Variants in RHOT1 observed in about 807,000 individuals in gnomAD.
The protein encoded by RHOT1 is mitochondrial Rho GTPase 1.
Under a neutral mutation model 95.3 loss-of-function variants are expected in RHOT1, and 27 were observed. The observed-to-expected ratio is 0.28, with a 90% CI of 0.21 to 0.39. RHOT1 has a LOEUF of 0.39. Ranked by LOEUF, RHOT1 falls within the 10% of genes least tolerant of loss-of-function variation. The pLI is 1.00. For synonymous variants in RHOT1, 227 were observed against 263.5 expected (o/e 0.86, Z 1.34); for missense variants, 578 against 786.7 (o/e 0.73, Z 3.17).
intron 19 of RHOT1, chr17:32,211,555 A>G (rs1413002300): frequency 1.6e-5 from 3 of 182,874 alleles, no homozygotes; most frequent in Non-Finnish European, 3.4e-5. Flanking sequence ...GAGTTAATAG[A>G]TTAGGACTTT....
chr17:32,189,432 C>T (rs1237336800), intron 8 of RHOT1, among the ~76,000 whole-genome samples: 1 of 152,198 alleles, frequency 6.6e-6, no homozygotes. Context: ...CAAGAATTTA[C>T]CTCTGAGGCC....
intron 19 of RHOT1, among the ~76,000 whole-genome samples, chr17:32,219,571 A>C (rs1347885005): frequency 6.6e-6 from 1 of 152,252 alleles, no homozygotes; most frequent in Non-Finnish European, 1.5e-5. Flanking sequence ...CAGTTCACAC[A>C]GTTGTTCGTT....
intron 1 of RHOT1, among the ~76,000 whole-genome samples, chr17:32,148,943 A>G (rs1289697689): frequency 1.3e-5 from 2 of 152,236 alleles, no homozygotes; most frequent in East Asian, 1.9e-4. Context: ...AATTTGTTCT[A>G]TAGTGATGAA....
At chr17:32,177,390 C>T (rs2035091250) in intron 6 of RHOT1, among the ~76,000 whole-genome samples, 1 of 152,238 alleles carries the variant, frequency 6.6e-6, no homozygotes, top group Non-Finnish European at 1.5e-5. Context: ...TTGGGGGATC[C>T]AATACCCATA....
intron 17 of RHOT1, 70 bp downstream of exon 17, chr17:32,207,099 G>A (rs2037813795): frequency 7.0e-7 from 1 of 1,422,982 alleles, no homozygotes; most frequent in Non-Finnish European, 9.5e-7. Flanking sequence ...GCAGTGTGGT[G>A]TTTCCTAACC....
rs956799193 is a variant in RHOT1 at position 32,203,726 on chromosome 17, C to T, written c.1333-164C>T. On this transcript the variant is annotated intron_variant, in intron 15 of 19. Coordinates refer to ENST00000545287, the MANE Select transcript of RHOT1 (RefSeq NM_001033566.3). ...CATCTTTTATTTTAGGTCTTAAGAA[C>T]TAAGAAACATAAAATCAATATCTCC... 2.7e-5 allele frequency: 15 copies of T among 565,120 alleles called. No homozygotes were observed. The African/African-American group carries it at 3.0e-4, about 11-fold the overall frequency. The allele number at this position is 565,120 out of a possible 1,614,324, so 35.0% of individuals were successfully genotyped here. A position where few individuals can be genotyped will look rare whatever the true frequency, so the allele number is the denominator to read the frequency against.
At chr17:32,186,862 G>T (rs1465737215) in intron 8 of RHOT1, among the ~76,000 whole-genome samples, 1 of 152,160 alleles carries the variant, frequency 6.6e-6, no homozygotes, top group Non-Finnish European at 1.5e-5. Flanking sequence ...GGGTCTCGCT[G>T]AGTTGCCCAA....
intron 1 of RHOT1, chr17:32,150,993 A>G: frequency 2.6e-6 from 4 of 1,537,914 alleles, no homozygotes; most frequent in Non-Finnish European, 3.5e-6. Flanking sequence ...TTCAATTTGA[A>G]TCGCCGGTTC....
chr17:32,161,283 C>T (rs778768184), intron 1 of RHOT1, among the ~76,000 whole-genome samples: 9 of 152,110 alleles, frequency 5.9e-5, no homozygotes, highest in East Asian at 1.9e-4. Context: ...CTCAGTCAGC[C>T]GCTGATTGGG....
chr17:32,170,711 T>G (rs1451814040), intron 1 of RHOT1, among the ~76,000 whole-genome samples: 1 of 152,124 alleles, frequency 6.6e-6, no homozygotes, highest in Non-Finnish European at 1.5e-5. Context: ...TAAAGGAAAA[T>G]TGCAAAGTAG....
chr17:32,189,350 C>T (rs1363472094), intron 8 of RHOT1, among the ~76,000 whole-genome samples: 1 of 152,146 alleles, frequency 6.6e-6, no homozygotes, highest in Non-Finnish European at 1.5e-5. Flanking sequence ...AGATTCCATT[C>T]TGATTCAGCT....
At chr17:32,192,834 G>A (rs1400540737) in intron 9 of RHOT1, among the ~76,000 whole-genome samples, 2 of 151,966 alleles carry the variant, frequency 1.3e-5, no homozygotes, top group Non-Finnish European at 2.9e-5. Context: ...ACAACACCCA[G>A]CTAATTTTTG....
intron 1 of RHOT1, among the ~76,000 whole-genome samples, chr17:32,148,794 A>G (rs1193262581): frequency 2.0e-5 from 3 of 152,248 alleles, no homozygotes; most frequent in African/African-American, 4.8e-5. Context: ...AAAAATAGCC[A>G]GTATGGCTGG....
chr17:32,175,607 C>T (rs1294040809), intron 4 of RHOT1, among the ~76,000 whole-genome samples: 2 of 152,180 alleles, frequency 1.3e-5, no homozygotes, highest in African/African-American at 4.8e-5. Context: ...CAGGCATGCA[C>T]CACCATGCCC....
intron 1 of RHOT1, among the ~76,000 whole-genome samples, chr17:32,146,071 A>C (rs992171238): frequency 6.6e-5 from 10 of 152,140 alleles, no homozygotes; most frequent in African/African-American, 2.4e-4. Context: ...ATAAAGTCCA[A>C]ACTTTTTAAT....
At chr17:32,199,072 C>A in intron 12 of RHOT1, 41 bp downstream of exon 12, 1 of 1,379,294 alleles carries the variant, frequency 7.3e-7, no homozygotes, top group Non-Finnish European at 1.0e-6. Context: ...TATAGTAAAA[C>A]ATTTTTCTAT....
intron 1 of RHOT1, 111 bp downstream of exon 1, chr17:32,142,840 C>A: frequency 2.1e-6 from 2 of 933,862 alleles, no homozygotes; most frequent in Non-Finnish European, 3.3e-6. Context: ...CGGCCCTTCT[C>A]GCGCCTCACA....
Position 32,142,637 on chromosome 17 carries a change from TGA to T in RHOT1, c.-52_-51del. ...GGCGCCGTGGGGTGGGTGCTCCTGG[TGA>T]GAGGAGTCCACTCCGTGCGTGCGGG... On this transcript the variant is annotated 5_prime_UTR_variant, in exon 1 of 20. Coordinates refer to ENST00000545287, the MANE Select transcript of RHOT1 (RefSeq NM_001033566.3). The T allele has an allele frequency of 1.4e-6, 2 of 1,464,406 alleles. No individual in the cohort carries two copies. Among genetic ancestry groups the T allele is most frequent in the Non-Finnish European group, 1.8e-6 (2 of 1,108,960 alleles). 90.7% of individuals were successfully genotyped at this position (1,464,406 alleles called of 1,614,324 possible).
At chr17:32,180,682 ATTT>A (rs1037456099) in intron 6 of RHOT1, among the ~76,000 whole-genome samples, 12 of 123,704 alleles carry the variant, frequency 9.7e-5, no homozygotes, top group South Asian at 5.0e-4. Flanking sequence ...ATAAATGCTT[ATTT>A]TTGTTTTAAG....
Sources: allele counts gnomAD v4.1 joint callset (sites outside exome capture counted in the v4.1 genomes callset), GRCh38; gene constraint gnomAD v4.1.1; transcripts MANE v1.5; gene names NCBI Gene and HGNC (gene_info 2026-07-23, HGNC 2026-07-21).